Variants in DYRK4 observed in about 807,000 individuals in gnomAD.
DYRK4 encodes dual specificity tyrosine-phosphorylation-regulated kinase 4.
In DYRK4, 64 loss-of-function variants were observed where a neutral mutation model predicts 68.3. That is an observed-to-expected ratio of 0.94 (90% CI 0.77 to 1.15). DYRK4 has a LOEUF of 1.15. DYRK4 is among the 50% of genes most tolerant of loss of function. DYRK4 has a pLI of 0.00. For synonymous variants in DYRK4, 274 were observed against 289.9 expected (o/e 0.95, Z 0.56); for missense variants, 740 against 764.7 (o/e 0.97, Z 0.38).
chr12:4,592,876 T>C, intron 5 of DYRK4, 126 bp from the exon 6 acceptor site: 1 of 1,148,508 alleles, frequency 8.7e-7, no homozygotes. Context: ...TGCAGGGTCC[T>C]CAGTGAGCCA....
At chr12:4,612,793 G>A (rs757189608) in intron 14 of DYRK4, 75 bp downstream of exon 14, 1 of 1,534,400 alleles carries the variant, frequency 6.5e-7, no homozygotes, top group Non-Finnish European at 9.0e-7. Context: ...AAATCTCCTT[G>A]TGATATTTTT....
At chr12:4,602,906 TA>T in intron 10 of DYRK4, 1 of 936,744 alleles carries the variant, frequency 1.1e-6, no homozygotes, top group Non-Finnish European at 1.7e-6. Flanking sequence ...ATAACTTTTG[TA>T]AGTATTAGTG....
In DYRK4 at chr12:4,591,401, T is replaced by C; in HGVS notation, c.463+103T>C. 1 of 1,475,592 alleles carries C rather than the reference T, an allele frequency of 6.8e-7. No individual in the cohort carries two copies. The highest frequency in any genetic ancestry group is 9.0e-7 in the Non-Finnish European group (1 of 1,105,538). The allele number at this position is 1,475,592 out of a possible 1,614,324, so 91.4% of individuals were successfully genotyped here. On this transcript the variant is annotated intron_variant, in intron 5 of 14. Coordinates refer to ENST00000543431, the MANE Select transcript of DYRK4 (RefSeq NM_001394779.1). This position sits in a 1 kb window ranked among gnomAD's most constrained non-coding sequence, Gnocchi z 4.1. ...TGAGCTAAGCTGCCAGGTGTCAGAG[T>C]AGTCAAAGAAGGCAGCCAGCCAAGA...
rs781759566 is a variant in DYRK4 at position 4,613,271 on chromosome 12, C to T, written c.1667-244C>T. On this transcript the variant is annotated intron_variant, in intron 14 of 14. Coordinates refer to ENST00000543431, the MANE Select transcript of DYRK4 (RefSeq NM_001394779.1). This position sits in a 1 kb window ranked among gnomAD's most constrained non-coding sequence, Gnocchi z 4.0. ...GTGTGGACTTAACCTCTCTGTAGCT[C>T]AGTATCTCCATTTATGAGAATGAGA... Among the ~76,000 whole-genome samples the T allele has an allele frequency of 2.6e-5, 4 of 152,172 alleles. No individual in the cohort carries two copies. The East Asian group carries it at 7.7e-4, about 29-fold the overall frequency.
intron 2 of DYRK4, among the ~76,000 whole-genome samples, chr12:4,581,976 C>T (rs1944846871): frequency 6.6e-6 from 1 of 152,188 alleles, no homozygotes; most frequent in South Asian, 2.1e-4. Flanking sequence ...ACACTTTATG[C>T]ATGTGGCCTG....
chr12:4,601,701 T>C (rs1471342226), intron 10 of DYRK4, among the ~76,000 whole-genome samples: 3 of 152,244 alleles, frequency 2.0e-5, no homozygotes, highest in Non-Finnish European at 4.4e-5. Context: ...TTTTCAACTT[T>C]TACTTTACAT....
Position 4,562,321 on chromosome 12 carries a change from G to C in DYRK4, c.38+38G>C, listed in dbSNP as rs766075811. 6 of 1,526,646 alleles carry C rather than the reference G, an allele frequency of 3.9e-6. No individual in the cohort carries two copies. In the African/African-American group the frequency reaches 6.9e-5, roughly 18 times the overall value. The allele number at this position is 1,526,646 out of a possible 1,614,324, so 94.6% of individuals were successfully genotyped here. A position where few individuals can be genotyped will look rare whatever the true frequency, so the allele number is the denominator to read the frequency against. ...GAGGCTCGTACTTCACGAGCAGTCA[G>C]GCGCGAGTACGAGGCAGGCGACGAA... On this transcript the variant is annotated intron_variant, in intron 1 of 14. Transcript: ENST00000543431.
intron 10 of DYRK4, 55 bp downstream of exon 10, chr12:4,599,843 T>C: frequency 6.7e-7 from 1 of 1,485,182 alleles, no homozygotes; most frequent in Non-Finnish European, 9.4e-7. Flanking sequence ...TTTCTCTCCC[T>C]TCACATACAA....
chr12:4,602,251 T>C (rs2137389391), intron 10 of DYRK4: 2 of 1,069,284 alleles, frequency 1.9e-6, no homozygotes, highest in South Asian at 2.5e-5. Flanking sequence ...TTCTAAGACC[T>C]GCTCTCTTTT....
At chr12:4,582,751 A>G (rs1944857066) in intron 2 of DYRK4, among the ~76,000 whole-genome samples, 1 of 152,166 alleles carries the variant, frequency 6.6e-6, no homozygotes. Flanking sequence ...AGCAGGAGTG[A>G]AAGTGCTGAG....
chr12:4,569,084 A>T (rs1404321174), intron 2 of DYRK4, among the ~76,000 whole-genome samples: 2 of 152,118 alleles, frequency 1.3e-5, no homozygotes, highest in Admixed American at 6.6e-5. Flanking sequence ...TTCCTCTTCC[A>T]AGCGCTGTTC....
rs912351398 is a variant in DYRK4 at position 4,566,209 on chromosome 12, G to A, written c.39-1746G>A. Among the ~76,000 whole-genome samples, 3 of 152,088 alleles carry A rather than the reference G, an allele frequency of 2.0e-5. No homozygotes were observed. The East Asian group carries it at 5.8e-4, about 29-fold the overall frequency. ...CTAGTTCCTCCAAATCGTGCTTCGTGATATTGCCAGAGAAATGGTACCAGA... is the reference window on the plus strand; with the variant it reads ...CTAGTTCCTCCAAATCGTGCTTCGTAATATTGCCAGAGAAATGGTACCAGA... On this transcript the variant is annotated intron_variant, in intron 1 of 14. Transcript: ENST00000543431.
chr12:4,595,890 C>T (rs1170304574), intron 6 of DYRK4, among the ~76,000 whole-genome samples: 6 of 152,204 alleles, frequency 3.9e-5, no homozygotes, highest in Non-Finnish European at 8.8e-5. Flanking sequence ...TAAAACCATC[C>T]AATGTCCTTT....
rs573116023 is a variant in DYRK4, at chr12:4,604,919, A to G, written c.1132A>G (p.Thr378Ala). 18 of 1,606,658 alleles carry G rather than the reference A, an allele frequency of 1.1e-5. No homozygotes were observed. In the South Asian group the frequency reaches 2.0e-4, roughly 18 times the overall value. The change falls in exon 11 of 15, where the codon ACG (threonine) becomes GCG (alanine). Residue 378 changes from threonine (T) to alanine (A), a missense_variant. This residue lies in a region of DYRK4 where 614 missense variants were observed against 603.7 expected (regional missense o/e 1.02). Transcript: ENST00000543431. ...SSCYEHQKVYTYIQSRFYRSP... is the reference protein window; with the variant it reads ...SSCYEHQKVYAYIQSRFYRSP... ...CTCTTACTTTGCCTCCGCAGTATAC[A>G]CGTACATCCAAAGCCGGTTCTACCG...
chr12:4,611,331 A>G (rs1252278155), intron 13 of DYRK4, among the ~76,000 whole-genome samples: 1 of 152,208 alleles, frequency 6.6e-6, no homozygotes, highest in Non-Finnish European at 1.5e-5. Flanking sequence ...AATGACAGAA[A>G]CCAACTGCTG....
intron 2 of DYRK4, among the ~76,000 whole-genome samples, chr12:4,584,974 G>A (rs542188096): frequency 2.0e-5 from 3 of 152,252 alleles, no homozygotes; most frequent in East Asian, 1.9e-4. Context: ...GAGAACCCAA[G>A]TGCTTAGCTA....
intron 2 of DYRK4, among the ~76,000 whole-genome samples, chr12:4,581,430 C>T (rs182308884): frequency 1.6e-4 from 24 of 152,308 alleles, no homozygotes; most frequent in Admixed American, 1.2e-3. Flanking sequence ...TGGAAGAAAG[C>T]GCTTCCTTTT....
intron 8 of DYRK4, 123 bp from the exon 9 acceptor site, chr12:4,598,905 T>C: frequency 8.9e-7 from 1 of 1,127,712 alleles, no homozygotes; most frequent in South Asian, 1.4e-5. Flanking sequence ...AAGCCTTGCC[T>C]CCTGGCCTGA....
At position 4,607,321 on chromosome 12, in the gene DYRK4, A is replaced by G; in HGVS notation, c.1300-6A>G. 1 of 1,614,172 alleles carries G rather than the reference A, an allele frequency of 6.2e-7. No homozygotes were observed. The highest frequency in any genetic ancestry group is 1.1e-5 in the South Asian group (1 of 91,084). Reference sequence around the variant, plus strand: ...AGAATGAACCAATTGAATTATCCTTATTAAGGTGCTGGGTCTGCCGCCAGC... The same window carrying G: ...AGAATGAACCAATTGAATTATCCTTGTTAAGGTGCTGGGTCTGCCGCCAGC... On this transcript the variant is annotated splice_polypyrimidine_tract_variant and splice_region_variant and intron_variant, in intron 11 of 14. Coordinates refer to ENST00000543431, the MANE Select transcript of DYRK4 (RefSeq NM_001394779.1).
Sources: allele counts gnomAD v4.1 joint callset (sites outside exome capture counted in the v4.1 genomes callset), GRCh38; gene constraint gnomAD v4.1.1; regional missense constraint gnomAD v4.1.1; non-coding constraint Gnocchi (gnomAD v3.1); transcripts MANE v1.5; gene names NCBI Gene and HGNC (gene_info 2026-07-23, HGNC 2026-07-21).